Variants in BMPR1B observed in about 807,000 individuals in gnomAD.
BMPR1B encodes bone morphogenetic protein receptor type 1B.
Under a neutral mutation model 59.1 loss-of-function variants are expected in BMPR1B, and 12 were observed. The ratio of observed to expected loss-of-function variants is 0.20; its 90% CI spans 0.13 to 0.33. The LOEUF (loss-of-function observed/expected upper bound fraction) is 0.33, where lower values mean the gene tolerates loss of function less well. Among genes scored for constraint, BMPR1B ranks in the 10% least tolerant of loss-of-function variants. The pLI is 1.00. For missense variants in BMPR1B, 550 were observed against 610.9 expected, an observed-to-expected ratio of 0.90 and a Z score of 1.05; for synonymous variants, 237 against 207.3, an observed-to-expected ratio of 1.14 and a Z score of -1.23.
chr4:94,919,861 A>G (rs1219183134), intron 2 of BMPR1B, among the ~76,000 whole-genome samples: 1 of 152,198 alleles, frequency 6.6e-6, no homozygotes, highest in Admixed American at 6.5e-5. Flanking sequence ...CTCCTAAATC[A>G]TTTTGTTTCT....
In BMPR1B at chr4:95,123,874, C is replaced by G. The variant is rs574267182; in HGVS notation, c.414C>G (p.Leu138=). The change falls in exon 7 of 13, where the codon CTC becomes CTG. Residue 138 remains leucine (L), a synonymous_variant. Transcript: ENST00000515059. ...LLISVTVCSL[L]LVLIILFCYF... is the part of the protein sequence containing the mutation. ...TATCTGTGACTGTCTGTAGTTTGCT[C>G]TTGGTCCTTATCATATTATTTTGTT... The G allele has an allele frequency of 7.4e-6, 12 of 1,612,034 alleles. No individual in the cohort carries two copies. In the African/African-American group the frequency reaches 1.1e-4, roughly 14 times the overall value.
At chr4:95,120,682 T>C (rs1186369402) in intron 6 of BMPR1B, among the ~76,000 whole-genome samples, 1 of 140,398 alleles carries the variant, frequency 7.1e-6, no homozygotes, top group Non-Finnish European at 1.6e-5. Flanking sequence ...TCTTTTCTTT[T>C]CTTTCTTTCT....
intron 2 of BMPR1B, among the ~76,000 whole-genome samples, chr4:94,957,656 C>T (rs1730200780): frequency 6.6e-6 from 1 of 152,000 alleles, no homozygotes; most frequent in African/African-American, 2.4e-5. Context: ...TGTGATCATT[C>T]ATTTTTATGT....
intron 3 of BMPR1B, among the ~76,000 whole-genome samples, chr4:95,008,747 A>G (rs1234175517): frequency 1.3e-5 from 2 of 152,192 alleles, no homozygotes; most frequent in South Asian, 2.1e-4. Flanking sequence ...GGTTTAGTAT[A>G]TAGAATTTAT....
chr4:94,965,973 A>G (rs1240132708), intron 2 of BMPR1B, among the ~76,000 whole-genome samples: 1 of 152,204 alleles, frequency 6.6e-6, no homozygotes, highest in East Asian at 1.9e-4. Context: ...ATTAGCCAGG[A>G]GAGCACTTAG....
chr4:95,138,917 G>A (rs987074500), intron 10 of BMPR1B, among the ~76,000 whole-genome samples: 2 of 152,162 alleles, frequency 1.3e-5, no homozygotes, highest in African/African-American at 4.8e-5. Flanking sequence ...CTCTCAACTC[G>A]TCAAAGTCAT....
chr4:94,817,749 G>A (rs1013094999), intron 1 of BMPR1B, among the ~76,000 whole-genome samples: 1 of 152,170 alleles, frequency 6.6e-6, no homozygotes, highest in Admixed American at 6.5e-5. Context: ...GGTGTGGGAA[G>A]GGCGATGGTT....
intron 2 of BMPR1B, among the ~76,000 whole-genome samples, chr4:94,905,939 G>T: frequency 6.8e-6 from 1 of 146,770 alleles, no homozygotes; most frequent in African/African-American, 2.6e-5. Flanking sequence ...GTCACGAATA[G>T]ACATTTATTT....
intron 2 of BMPR1B, among the ~76,000 whole-genome samples, chr4:94,920,449 C>T (rs1211088216): frequency 1.3e-5 from 2 of 152,098 alleles, no homozygotes; most frequent in Non-Finnish European, 2.9e-5. Context: ...TATGGGGGCT[C>T]CCCACACGTC....
chr4:94,938,555 C>G (rs1372099112), intron 2 of BMPR1B, among the ~76,000 whole-genome samples: 7 of 152,084 alleles, frequency 4.6e-5, no homozygotes, highest in African/African-American at 1.7e-4. Context: ...TTAAAAGTTC[C>G]TATCTGGTCC....
At chr4:94,777,101 T>TC in intron 1 of BMPR1B, among the ~76,000 whole-genome samples, 1 of 152,308 alleles carries the variant, frequency 6.6e-6, no homozygotes, top group Non-Finnish European at 1.5e-5. Flanking sequence ...ACAGTGAACA[T>TC]CTTTATGAAT....
At chr4:94,857,189 G>GA (rs976937198) in intron 1 of BMPR1B, among the ~76,000 whole-genome samples, 2 of 151,524 alleles carry the variant, frequency 1.3e-5, no homozygotes, top group East Asian at 1.9e-4. Flanking sequence ...GATAAAATAT[G>GA]AAAAAAAGGC....
intron 2 of BMPR1B, among the ~76,000 whole-genome samples, chr4:94,931,892 G>T (rs1222020183): frequency 6.6e-6 from 1 of 152,132 alleles, no homozygotes; most frequent in African/African-American, 2.4e-5. Flanking sequence ...GCCTGACTAG[G>T]GTTGGTGGGG....
intron 2 of BMPR1B, among the ~76,000 whole-genome samples, chr4:94,895,832 A>G (rs1449045437): frequency 6.6e-6 from 1 of 152,012 alleles, no homozygotes; most frequent in Non-Finnish European, 1.5e-5. Flanking sequence ...AGTTAATGCT[A>G]AAACTGTGAT....
At chr4:94,957,208 G>A (rs1460638094) in intron 2 of BMPR1B, among the ~76,000 whole-genome samples, 1 of 152,088 alleles carries the variant, frequency 6.6e-6, no homozygotes, top group African/African-American at 2.4e-5. Context: ...GCATGCCTGT[G>A]AAACTCGATG....
intron 2 of BMPR1B, among the ~76,000 whole-genome samples, chr4:94,894,140 C>T (rs561136677): frequency 2.6e-5 from 4 of 152,164 alleles, no homozygotes; most frequent in Non-Finnish European, 5.9e-5. Flanking sequence ...TGTAAAAGCA[C>T]AACCAGTCTG....
At chr4:95,087,660 A>C in intron 3 of BMPR1B, among the ~76,000 whole-genome samples, 1 of 152,150 alleles carries the variant, frequency 6.6e-6, no homozygotes, top group East Asian at 1.9e-4. Flanking sequence ...TAAGCACGGG[A>C]GATTGAGGCT....
chr4:94,969,981 G>A (rs73836068), intron 2 of BMPR1B, among the ~76,000 whole-genome samples: 9,478 of 152,156 alleles, frequency 0.062, 799 homozygotes, highest in African/African-American at 0.19. Flanking sequence ...ATTTTTAAAT[G>A]TTTCTTATAC....
intron 3 of BMPR1B, among the ~76,000 whole-genome samples, chr4:95,041,166 C>G (rs1157594226): frequency 6.6e-6 from 1 of 152,188 alleles, no homozygotes; most frequent in African/African-American, 2.4e-5. Context: ...CCCACCTCAG[C>G]CTCCTGAGTA....
Sources: gnomAD v4.1 joint callset for allele counts (sites outside exome capture counted in the v4.1 genomes callset) on GRCh38, gnomAD v4.1.1 for gene constraint, MANE v1.5 for transcripts, NCBI Gene and HGNC (gene_info 2026-07-23, HGNC 2026-07-21) for gene names.